The following SHB variants were observed in gnomAD, a reference collection of about 807,000 sequenced individuals.
SHB encodes the protein SH2 domain containing adaptor protein B.
Under a neutral mutation model 52.3 loss-of-function variants are expected in SHB, and 20 were observed. That is an observed-to-expected ratio of 0.38 (90% CI 0.27 to 0.56). SHB has a LOEUF of 0.56. Among genes scored for constraint, SHB ranks in the 20% least tolerant of loss-of-function variants. SHB has a pLI of 0.71. For synonymous variants in SHB, 397 were observed against 316.5 expected (o/e 1.25, Z -2.70); for missense variants, 825 against 723.3 (o/e 1.14, Z -1.61).
intron 2 of SHB, chr9:38,015,325 C>T (rs879287342): frequency 3.0e-6 from 2 of 672,080 alleles, no homozygotes; most frequent in Non-Finnish European, 5.4e-6. Flanking sequence ...AAAGATGCTC[C>T]AAGTCTTGTA....
intron 2 of SHB, among the ~76,000 whole-genome samples, chr9:37,982,209 T>TG (rs1820736198): frequency 6.6e-6 from 1 of 152,196 alleles, no homozygotes. Context: ...TGAAAGAAGA[T>TG]GGGCCAGATG....
intron 1 of SHB, among the ~76,000 whole-genome samples, chr9:38,032,123 G>C (rs1350297143): frequency 6.6e-6 from 1 of 152,202 alleles, no homozygotes; most frequent in East Asian, 1.9e-4. Flanking sequence ...TAGAGGACTA[G>C]AACAGGCAGG....
At chr9:38,000,195 G>A (rs1488053134) in intron 2 of SHB, among the ~76,000 whole-genome samples, 1 of 152,208 alleles carries the variant, frequency 6.6e-6, no homozygotes, top group Non-Finnish European at 1.5e-5. Context: ...TGCTGCTGCT[G>A]GCAGACCAGG....
chr9:37,950,816 G>A (rs1243629307), intron 4 of SHB, among the ~76,000 whole-genome samples: 1 of 152,254 alleles, frequency 6.6e-6, no homozygotes, highest in Non-Finnish European at 1.5e-5. Context: ...GGCAGCTGCA[G>A]CGTTAGCAGA....
At chr9:37,967,023 G>A (rs1158118208) in intron 3 of SHB, among the ~76,000 whole-genome samples, 2 of 152,186 alleles carry the variant, frequency 1.3e-5, no homozygotes, top group Admixed American at 6.5e-5. Flanking sequence ...GGATATCAAG[G>A]CAGCAGTGGA....
intron 2 of SHB, among the ~76,000 whole-genome samples, chr9:37,978,764 G>A (rs1173674918): frequency 6.6e-6 from 1 of 152,168 alleles, no homozygotes; most frequent in African/African-American, 2.4e-5. Flanking sequence ...CCCAATACAG[G>A]AAGGTAAACA....
intron 1 of SHB, among the ~76,000 whole-genome samples, chr9:38,019,180 C>G (rs988924287): frequency 4.6e-5 from 7 of 152,212 alleles, no homozygotes; most frequent in African/African-American, 1.4e-4. Context: ...TGAGCCACGT[C>G]ATCTTTTGTT....
chr9:37,974,701 C>T lies in SHB; in HGVS notation c.975G>A (p.Leu325=), dbSNP rs1367276980. 2 of 1,614,072 alleles carry T rather than the reference C, an allele frequency of 1.2e-6. No individual in the cohort carries two copies. Among genetic ancestry groups the T allele is most frequent in the Non-Finnish European group, 8.5e-7 (1 of 1,180,000 alleles). The change falls in exon 3 of 6, where the codon CTG becomes CTA. Residue 325 remains leucine (L), a synonymous_variant. Transcript: ENST00000377707. ...TVSPRLRESK[L]PQDDDRPADE... is the part of the protein sequence containing the mutation. The stretch of plus-strand genomic sequence containing the variant: ...CGGCGGGCCTGTCGTCATCCTGGGG[C>T]AGCTTGCTCTCCCGCAGTCGGGGGC...
At chr9:38,051,428 T>G (rs1587264851) in intron 1 of SHB, among the ~76,000 whole-genome samples, 6 of 120,988 alleles carry the variant, frequency 5.0e-5, no homozygotes, top group East Asian at 2.3e-4. Context: ...GGTGACAGAG[T>G]GAGACTCCGT....
intron 3 of SHB, among the ~76,000 whole-genome samples, chr9:37,956,998 G>C (rs1832643266): frequency 6.6e-6 from 1 of 152,190 alleles, no homozygotes; most frequent in African/African-American, 2.4e-5. Flanking sequence ...AGAAGCAACT[G>C]AACCAACCTG....
chr9:37,976,143 C>T (rs1820651229), intron 2 of SHB, among the ~76,000 whole-genome samples: 1 of 152,198 alleles, frequency 6.6e-6, no homozygotes, highest in Admixed American at 6.5e-5. Flanking sequence ...TTACACGATT[C>T]TTGTGTCTCA....
Position 37,955,877 on chromosome 9 carries a change from A to C in SHB, c.1226+6T>G, listed in dbSNP as rs1034912741. ...GTGAGGTTGGGCTTTGCTCCCAAGA[A>C]CTTACATTTGCTTCTCCAGGGGGAC... On this transcript the variant is annotated splice_donor_region_variant and intron_variant, in intron 4 of 5. Coordinates refer to ENST00000377707, the MANE Select transcript of SHB (RefSeq NM_003028.3). The C allele has an allele frequency of 4.3e-6, 7 of 1,612,714 alleles. No individual in the cohort carries two copies. The highest frequency in any genetic ancestry group is 5.9e-6 in the Non-Finnish European group (7 of 1,179,100).
At chr9:37,970,091 C>A (rs2117954587) in intron 3 of SHB, among the ~76,000 whole-genome samples, 1 of 152,336 alleles carries the variant, frequency 6.6e-6, no homozygotes. Context: ...GGAGGCAGAG[C>A]TGCAGTCCAC....
intron 3 of SHB, among the ~76,000 whole-genome samples, chr9:37,967,390 G>A (rs1351880083): frequency 6.6e-6 from 1 of 152,164 alleles, no homozygotes; most frequent in Admixed American, 6.5e-5. Flanking sequence ...CAAAACTCAA[G>A]AGGGAGGCTG....
At chr9:38,042,529 A>T (rs1296909569) in intron 1 of SHB, among the ~76,000 whole-genome samples, 1 of 152,170 alleles carries the variant, frequency 6.6e-6, no homozygotes, top group African/African-American at 2.4e-5. Flanking sequence ...GGCAGCTCAA[A>T]GCAAGCTGGA....
chr9:37,930,780 G>A (rs1409017472), intron 5 of SHB, among the ~76,000 whole-genome samples: 2 of 152,152 alleles, frequency 1.3e-5, no homozygotes, highest in Non-Finnish European at 2.9e-5. Context: ...AAGACCCTGA[G>A]TAACCATAAA....
At chr9:37,950,085 C>A (rs1442201034) in intron 4 of SHB, among the ~76,000 whole-genome samples, 1 of 152,136 alleles carries the variant, frequency 6.6e-6, no homozygotes, top group African/African-American at 2.4e-5. Flanking sequence ...ACTACAGGTG[C>A]GTGCCACCAT....
intron 5 of SHB, among the ~76,000 whole-genome samples, chr9:37,942,041 T>C (rs757737366): frequency 6.6e-6 from 1 of 152,250 alleles, no homozygotes; most frequent in Non-Finnish European, 1.5e-5. Flanking sequence ...ACATGCCTAC[T>C]GTTTGAAAAC....
chr9:38,044,441 A>G (rs1819288559), intron 1 of SHB, among the ~76,000 whole-genome samples: 1 of 152,246 alleles, frequency 6.6e-6, no homozygotes, highest in Non-Finnish European at 1.5e-5. Flanking sequence ...ATGCTGAAGG[A>G]GCTGAAGCAC....
Sources: gnomAD v4.1 joint callset for allele counts (sites outside exome capture counted in the v4.1 genomes callset) on GRCh38, gnomAD v4.1.1 for gene constraint, MANE v1.5 for transcripts, NCBI Gene and HGNC (gene_info 2026-07-23, HGNC 2026-07-21) for gene names.